The following SEZ6 variants were observed in gnomAD, a reference collection of about 807,000 sequenced individuals.
SEZ6 encodes seizure related 6 homolog.
A neutral mutation model predicts 101.0 loss-of-function variants in SEZ6; 53 were observed. The observed-to-expected ratio is 0.52, with a 90% confidence interval of 0.42 to 0.66. The LOEUF is 0.66. SEZ6 is among the 30% of genes least tolerant of loss of function. The pLI, the probability that SEZ6 is intolerant of heterozygous loss-of-function variation, is 0.00. For synonymous variants in SEZ6, 488 were observed against 512.2 expected, an observed-to-expected ratio of 0.95 and a Z score of 0.64; for missense variants, 1,102 against 1,289.4, an observed-to-expected ratio of 0.85 and a Z score of 2.23.
intron 11 of SEZ6, 35 bp downstream of exon 11, chr17:28,957,912 T>G (rs772171325): frequency 3.8e-6 from 6 of 1,593,202 alleles, no homozygotes; most frequent in Non-Finnish European, 5.2e-6. Context: ...GGAGTTTGTG[T>G]TGGGAAGGGG....
At chr17:28,956,975 AACATTGG>A in intron 13 of SEZ6, 63 bp downstream of exon 13, 1 of 1,476,172 alleles carries the variant, frequency 6.8e-7, no homozygotes, top group Non-Finnish European at 9.1e-7. Flanking sequence ...TCTGGTTCTA[AACATTGG>A]ACATCTTTGC....
chr17:28,988,834 G>A (rs2041419250), intron 1 of SEZ6, among the ~76,000 whole-genome samples: 1 of 152,238 alleles, frequency 6.6e-6, no homozygotes, highest in African/African-American at 2.4e-5. Context: ...ACCAAGTCCA[G>A]GGGGTTTTCC....
rs111255430 is a variant in SEZ6, at chr17:28,955,407, AG to A, written c.*554del. On this transcript the variant is annotated 3_prime_UTR_variant, in exon 17 of 17. Transcript: ENST00000317338. ...ATTACTGCCTCCACTGGGACAGGGC[AG>A]GAGGCAGAACTGTCCAGAACTTTAG... The A allele has an allele frequency of 8.6e-3, 2,859 of 332,224 alleles. 70 individuals carry two copies. The highest frequency in any genetic ancestry group is 0.057 in the African/African-American group (2,660 of 46,440). 20.6% of individuals were successfully genotyped at this position (332,224 alleles called of 1,614,324 possible). A position where few individuals can be genotyped will look rare whatever the true frequency, so the allele number is the denominator to read the frequency against.
At chr17:28,996,544 T>C (rs759801624) in intron 1 of SEZ6, among the ~76,000 whole-genome samples, 8 of 151,792 alleles carry the variant, frequency 5.3e-5, no homozygotes, top group East Asian at 3.9e-4. Context: ...AAGCCCAAGA[T>C]TGGGGAGGAA....
Position 28,959,755 on chromosome 17 carries a change from T to C in SEZ6, c.1714A>G (p.Ile572Val), listed in dbSNP as rs1384250003. The C allele has an allele frequency of 1.2e-6, 2 of 1,612,476 alleles. No individual in the cohort carries two copies. Among genetic ancestry groups the C allele is most frequent in the African/African-American group, 2.7e-5 (2 of 74,890 alleles). The change falls in exon 8 of 17, where the codon ATC (isoleucine) becomes GTC (valine). Residue 572 changes from isoleucine to valine, a missense_variant. By Grantham distance (29) the Ile-to-Val change is conservative (BLOSUM62 3). Coordinates refer to ENST00000317338, the MANE Select transcript of SEZ6 (RefSeq NM_178860.5). The surrounding 1 kb of genome is among the most constrained non-coding windows in gnomAD (Gnocchi z 4.4). ...GYTLEQGSII[I>V]ECVDPHDPQW... ...GGGTCGTGGGGGTCAACACACTCGA[T>C]GATGATGGAGCCCTGCTCCAGGGTG...
In SEZ6 at chr17:28,959,013, G is replaced by A; in HGVS notation, c.2107+12C>T. Reference sequence around the variant, plus strand: ...GCTGTCTGCACTCTGAGTGGGGTAGGGACAAGCTCACCAAAGAAGTGGATG... The same window carrying A: ...GCTGTCTGCACTCTGAGTGGGGTAGAGACAAGCTCACCAAAGAAGTGGATG... On this transcript the variant is annotated intron_variant, in intron 10 of 16. Coordinates refer to ENST00000317338, the MANE Select transcript of SEZ6 (RefSeq NM_178860.5). This position sits in a 1 kb window ranked among gnomAD's most constrained non-coding sequence, Gnocchi z 4.4. The A allele has an allele frequency of 6.2e-7, 1 of 1,605,658 alleles. No individual in the cohort carries two copies. The highest frequency in any genetic ancestry group is 1.3e-5 in the African/African-American group (1 of 74,974).
At chr17:29,002,975 A>G (rs1365892000) in intron 1 of SEZ6, among the ~76,000 whole-genome samples, 1 of 152,018 alleles carries the variant, frequency 6.6e-6, no homozygotes, top group Non-Finnish European at 1.5e-5. Flanking sequence ...CACATTCTCA[A>G]GTGGAGCTCA....
Position 28,956,216 on chromosome 17 carries a change from GC to G in SEZ6, c.2894del (p.Arg965ProfsTer8). On this transcript the variant is annotated frameshift_variant, in exon 16 of 17. Coordinates refer to ENST00000317338, the MANE Select transcript of SEZ6 (RefSeq NM_178860.5). LOFTEE classifies it high-confidence loss of function. The stretch of plus-strand genomic sequence containing the variant: ...ACTCTATGGTAATGCGGTTGTAGGG[GC>G]GGGGGCGGGGGCGGGGCAGCTGCAG... ...SSLQLPRPRP[R>X]PYNRITIESA... The G allele has an allele frequency of 1.8e-6, 1 of 546,170 alleles. No homozygotes were observed. Among genetic ancestry groups the G allele is most frequent in the Non-Finnish European group, 3.5e-6 (1 of 286,146 alleles). The allele number at this position is 546,170 out of a possible 1,614,324, so 33.8% of individuals were successfully genotyped here. A position where few individuals can be genotyped will look rare whatever the true frequency, so the allele number is the denominator to read the frequency against.
At chr17:28,976,283 G>A (rs1385771872) in intron 3 of SEZ6, among the ~76,000 whole-genome samples, 1 of 152,212 alleles carries the variant, frequency 6.6e-6, no homozygotes, top group Non-Finnish European at 1.5e-5. Flanking sequence ...GTACCCCTGA[G>A]GCTGGTCCTC....
rs545199883 is a variant in SEZ6 at position 28,962,842 on chromosome 17, C to T, written c.1240+1120G>A. Among the ~76,000 whole-genome samples, 530 of 149,622 alleles carry T rather than the reference C, an allele frequency of 3.5e-3. 5 individuals carry two copies. The highest frequency in any genetic ancestry group is 0.013 in the East Asian group (67 of 4,972). The stretch of plus-strand genomic sequence containing the variant: ...CCATACCCACTAAAAAGAAAAAGCC[C>T]GGCCAGGCACGGTGGCTCACGCCTG... On this transcript the variant is annotated intron_variant, in intron 5 of 16. Transcript: ENST00000317338.
At position 28,957,931 on chromosome 17, in the gene SEZ6, G is replaced by T; in HGVS notation, c.2302+16C>A. 6.2e-7 allele frequency: 1 copy of T among 1,604,018 alleles called. No homozygotes were observed. Among genetic ancestry groups the T allele is most frequent in the Non-Finnish European group, 8.5e-7 (1 of 1,171,716 alleles). ...TTTGTGTTGGGAAGGGGAGCGTGGG[G>T]AACAGGTATACTCACCCCTCTGGCA... On this transcript the variant is annotated intron_variant, in intron 11 of 16. Coordinates refer to ENST00000317338, the MANE Select transcript of SEZ6 (RefSeq NM_178860.5).
Position 28,955,829 on chromosome 17 carries a change from G to T in SEZ6, c.*133C>A. On this transcript the variant is annotated 3_prime_UTR_variant, in exon 17 of 17. Coordinates refer to ENST00000317338, the MANE Select transcript of SEZ6 (RefSeq NM_178860.5). ...GCGGGGAAGGGCACAACTTCTTGAG[G>T]GCTTGGTGGCATCTCCTCCTAGGTG... The T allele has an allele frequency of 9.6e-7, 1 of 1,046,114 alleles. No individual in the cohort carries two copies. Among genetic ancestry groups the T allele is most frequent in the Non-Finnish European group, 1.5e-6 (1 of 687,122 alleles). 64.8% of individuals were successfully genotyped at this position (1,046,114 alleles called of 1,614,324 possible).
Position 28,959,053 on chromosome 17 carries a change from G to A in SEZ6, c.2079C>T (p.Tyr693=), listed in dbSNP as rs762160469. 2 of 1,613,708 alleles carry A rather than the reference G, an allele frequency of 1.2e-6. No homozygotes were observed. The highest frequency in any genetic ancestry group is 2.2e-5 in the East Asian group (1 of 44,882). ...QSDPGTSVLG[Y]QQGFVIHFFE... ...AGAAGTGGATGACGAAGCCCTGCTG[G>A]TAGCCCAGCACTGAGGTCCCGGGGT... The change falls in exon 10 of 17, where the codon TAC becomes TAT. Residue 693 remains tyrosine (Y), a synonymous_variant. Coordinates refer to ENST00000317338, the MANE Select transcript of SEZ6 (RefSeq NM_178860.5). This position sits in a 1 kb window ranked among gnomAD's most constrained non-coding sequence, Gnocchi z 4.4.
intron 1 of SEZ6, among the ~76,000 whole-genome samples, chr17:28,985,588 G>A (rs2041368287): frequency 6.6e-6 from 1 of 152,254 alleles, no homozygotes; most frequent in South Asian, 2.1e-4. Context: ...GAATAGGAGA[G>A]TTCTGAAGGC....
chr17:28,972,373 C>T (rs1274451477), intron 3 of SEZ6, among the ~76,000 whole-genome samples: 3 of 152,356 alleles, frequency 2.0e-5, no homozygotes, highest in African/African-American at 7.2e-5. Context: ...CTGAGCCCAG[C>T]CAGGTCCAAG....
chr17:28,999,467 T>G (rs1359419790), intron 1 of SEZ6, among the ~76,000 whole-genome samples: 2 of 151,874 alleles, frequency 1.3e-5, no homozygotes, highest in Non-Finnish European at 2.9e-5. Context: ...CTGCAGGCTC[T>G]GCAGCCTGAG....
chr17:28,960,568 A>C lies in SEZ6; in HGVS notation c.1513T>G (p.Phe505Val). 8 of 1,593,856 alleles carry C rather than the reference A, an allele frequency of 5.0e-6. No homozygotes were observed. The highest frequency in any genetic ancestry group is 6.8e-6 in the Non-Finnish European group (8 of 1,170,538). The stretch of plus-strand genomic sequence containing the variant: ...CTGTCAGTACTGAGCTCAACAAAGA[A>C]GTGTTTGCCAGAGCTGAGCAGGCCC... ...IEGLLSSGKH[F>V]FVELSTDSSG... The change falls in exon 7 of 17, where the codon TTC (phenylalanine) becomes GTC (valine). Residue 505 changes from phenylalanine to valine, a missense_variant. By Grantham distance (50) the Phe-to-Val change is conservative. Transcript: ENST00000317338.
At chr17:28,975,437 G>T (rs1456760690) in intron 3 of SEZ6, among the ~76,000 whole-genome samples, 3 of 152,224 alleles carry the variant, frequency 2.0e-5, no homozygotes, top group Non-Finnish European at 2.9e-5. Context: ...AAGGCCAGGG[G>T]TTTAGCTCAG....
chr17:29,005,789 T>G lies in SEZ6; in HGVS notation c.55+26A>C. The G allele has an allele frequency of 6.8e-7, 1 of 1,479,086 alleles. No individual in the cohort carries two copies. Among genetic ancestry groups the G allele is most frequent in the Non-Finnish European group, 9.0e-7 (1 of 1,114,690 alleles). The allele number at this position is 1,479,086 out of a possible 1,614,324, so 91.6% of individuals were successfully genotyped here. A position where few individuals can be genotyped will look rare whatever the true frequency, so the allele number is the denominator to read the frequency against. On this transcript the variant is annotated intron_variant, in intron 1 of 16. Coordinates refer to ENST00000317338, the MANE Select transcript of SEZ6 (RefSeq NM_178860.5). The surrounding 1 kb of genome is among the most constrained non-coding windows in gnomAD (Gnocchi z 4.8). ...TGGGGCCCCGCTCCCGCCCCCGTCC[T>G]GCCGCCGGATGCCGGGGTCCCTTAC...
Sources: allele counts gnomAD v4.1 joint callset (sites outside exome capture counted in the v4.1 genomes callset), GRCh38; gene constraint gnomAD v4.1.1; non-coding constraint Gnocchi (gnomAD v3.1); transcripts MANE v1.5; gene names NCBI Gene and HGNC (gene_info 2026-07-23, HGNC 2026-07-21).